Variants in E2F4 observed in about 807,000 individuals in gnomAD.
E2F4 encodes transcription factor E2F4.
In E2F4, 16 loss-of-function variants were observed where a neutral mutation model predicts 44.5. The observed-to-expected ratio is 0.36, with a 90% confidence interval of 0.24 to 0.55. The LOEUF is 0.55. Ranked by LOEUF, E2F4 falls within the 20% of genes least tolerant of loss-of-function variation. The pLI is 0.87. For missense variants in E2F4, 473 were observed against 522.1 expected (o/e 0.91, Z 0.92); for synonymous variants, 242 against 207.2 (o/e 1.17, Z -1.44).
Position 67,194,888 on chromosome 16 carries a change from C to T in E2F4, c.716C>T (p.Ala239Val). ...CCTGCCCTAGCCCAGTCCCAGGAAGCCTCACGTCCAAATAGTCCTCAGCTC... is the reference window on the plus strand; with the variant it reads ...CCTGCCCTAGCCCAGTCCCAGGAAGTCTCACGTCCAAATAGTCCTCAGCTC... Reference protein sequence around the residue: ...PKPALAQSQEASRPNSPQLTP... With the variant: ...PKPALAQSQEVSRPNSPQLTP... Residue 239 changes from alanine to valine, a missense_variant, in exon 6 of 10, where the codon GCC (alanine) becomes GTC (valine). Physicochemically the swap from Ala to Val is moderately conservative, Grantham distance 64 (BLOSUM62 0). This residue lies in a region of E2F4 where 314 missense variants were observed against 315.6 expected (regional missense o/e 0.99). Transcript: ENST00000379378. The T allele has an allele frequency of 6.2e-7, 1 of 1,614,200 alleles. No homozygotes were observed. The highest frequency in any genetic ancestry group is 8.5e-7 in the Non-Finnish European group (1 of 1,180,048).
Position 67,198,034 on chromosome 16 carries a change from C to G in E2F4, c.1153C>G (p.Pro385Ala). The G allele has an allele frequency of 1.9e-6, 3 of 1,614,126 alleles. No individual in the cohort carries two copies. Among genetic ancestry groups the G allele is most frequent in the Non-Finnish European group, 2.5e-6 (3 of 1,180,008 alleles). Residue 385 changes from proline (P) to alanine (A), a missense_variant, in exon 10 of 10, where the codon CCA becomes GCA. Pro to Ala is a conservative substitution (Grantham distance 27). Transcript: ENST00000379378. ...GTTTGCCCCTCTGCTTCGTCTTTCT[C>G]CACCCCCGGGAGACCACGATTATAT... is the stretch of plus-strand genomic sequence containing the variant. ...EVFAPLLRLS[P>A]PPGDHDYIYN... is the part of the protein sequence containing the mutation.
intron 7 of E2F4, among the ~76,000 whole-genome samples, chr16:67,196,337 C>G (rs2032969402): frequency 6.6e-6 from 1 of 152,188 alleles, no homozygotes; most frequent in Admixed American, 6.5e-5. Context: ...TCATTAGTCT[C>G]CTAGTCACCT....
chr16:67,197,301 CT>C (rs1481813101), intron 7 of E2F4, among the ~76,000 whole-genome samples: 13 of 152,172 alleles, frequency 8.5e-5, no homozygotes, highest in African/African-American at 2.7e-4. Context: ...GATGGGGTAC[CT>C]TCTGTCAGAC....
rs769502993 is a variant in E2F4, at chr16:67,195,834, C to T, written c.861C>T (p.Leu287=). 1.1e-5 allele frequency: 17 copies of T among 1,614,006 alleles called. No homozygotes were observed. In the East Asian group the frequency reaches 2.7e-4, roughly 25 times the overall value. ...DSKDSGELSS[L]PLGPTTLDTR... ...AGGACAGTGGTGAGCTCAGTTCACT[C>T]CCACTGGGCCCAACAACACTGGACA... The change falls in exon 7 of 10, where the codon CTC becomes CTT. Residue 287 remains leucine (L), a synonymous_variant. Coordinates refer to ENST00000379378, the MANE Select transcript of E2F4 (RefSeq NM_001950.4).
chr16:67,195,674 G>C, intron 6 of E2F4, 108 bp from the exon 7 acceptor site: 1 of 1,548,426 alleles, frequency 6.5e-7, no homozygotes, highest in Non-Finnish European at 8.7e-7. Flanking sequence ...ATTCTCCTTG[G>C]GTCTGGGAAC....
chr16:67,197,553 C>T, intron 7 of E2F4, 46 bp from the exon 8 acceptor site: 1 of 1,609,254 alleles, frequency 6.2e-7, no homozygotes, highest in Non-Finnish European at 8.5e-7. Context: ...TGTAGTGGGG[C>T]CAGGCTGGAC....
At chr16:67,194,266 G>A (rs2032932145) in intron 4 of E2F4, 132 bp from the exon 5 acceptor site, 3 of 919,724 alleles carry the variant, frequency 3.3e-6, no homozygotes, top group South Asian at 3.3e-5. Flanking sequence ...TGGCCACTAT[G>A]GGGGATGGGT....
chr16:67,192,559 T>C (rs927357190), intron 1 of E2F4, 197 bp downstream of exon 1: 1 of 1,004,284 alleles, frequency 1.0e-6, no homozygotes, highest in Non-Finnish European at 1.4e-6. Flanking sequence ...AGGCTCGGGC[T>C]GCAGGTGTTC....
chr16:67,194,036 C>T, intron 4 of E2F4: 1 of 270,076 alleles, frequency 3.7e-6, no homozygotes, highest in Non-Finnish European at 7.1e-6. Flanking sequence ...GGGTGTGAGC[C>T]ACTGTGCCCC....
rs3830472 is a variant in E2F4 at position 67,195,890 on chromosome 16, ACAGCAGCAGCAGCAGCAG to A, written c.941_958del (p.Ser314_Ser319del). 6,171 of 1,608,068 alleles carry A rather than the reference ACAGCAGCAGCAGCAGCAG, an allele frequency of 3.8e-3. 12 individuals carry two copies. Among genetic ancestry groups the A allele is most frequent in the Non-Finnish European group, 4.6e-3 (5,453 of 1,177,510 alleles). On this transcript the variant is annotated inframe_deletion, in exon 7 of 10. Coordinates refer to ENST00000379378, the MANE Select transcript of E2F4 (RefSeq NM_001950.4). ...CCACTGCAGTCTTCTGCCCTGCTGG[ACAGCAGCAGCAGCAGCAG>A]CAGCAGCAGCAGCAGCAGCAGCAAC...
chr16:67,192,764 G>T lies in E2F4; in HGVS notation c.139G>T (p.Ala47Ser). 7 of 1,609,878 alleles carry T rather than the reference G, an allele frequency of 4.3e-6. No individual in the cohort carries two copies. The highest frequency in any genetic ancestry group is 5.1e-6 in the Non-Finnish European group (6 of 1,177,834). ...KDGVLDLKLA[A>S]DTLAVRQKRR... ...CATTCTCCATTCTCTCTGCCAGGCAGCTGACACCCTAGCTGTACGCCAGAA... is the reference window on the plus strand; with the variant it reads ...CATTCTCCATTCTCTCTGCCAGGCATCTGACACCCTAGCTGTACGCCAGAA... The change falls in exon 2 of 10, where the codon GCT (alanine) becomes TCT (serine). Residue 47 changes from alanine to serine, a missense_variant. By Grantham distance (99) the Ala-to-Ser change is moderately conservative. Transcript: ENST00000379378.
rs566500354 is a variant in E2F4, at chr16:67,193,668, TGTC to T, written c.451+154_451+156del. 3.5e-3 allele frequency among the ~76,000 whole-genome samples: 532 copies of T among 152,284 alleles called. 1 individual carries two copies. Among genetic ancestry groups the T allele is most frequent in the Non-Finnish European group, 5.5e-3 (374 of 68,008 alleles). ...AGGCAGGGTAAGTCTTCTGTCTGAG[TGTC>T]ACTGGGACCCTGTGGAGGTCAGCTA... On this transcript the variant is annotated intron_variant, in intron 4 of 9. Transcript: ENST00000379378.
rs1477927092 is a variant in E2F4 at position 67,193,307 on chromosome 16, C to T, written c.407+137C>T. The T allele has an allele frequency of 3.4e-6, 5 of 1,488,478 alleles. No homozygotes were observed. The Admixed American group carries it at 8.7e-5, about 26-fold the overall frequency. The allele number at this position is 1,488,478 out of a possible 1,614,324, so 92.2% of individuals were successfully genotyped here. ...CAGCCTCAGGCTCCCTCCTCAGAGC[C>T]CCTCCCCTTCCACTCTTAGCCTGTG... On this transcript the variant is annotated intron_variant, in intron 3 of 9. Coordinates refer to ENST00000379378, the MANE Select transcript of E2F4 (RefSeq NM_001950.4).
intron 1 of E2F4, 71 bp downstream of exon 1, chr16:67,192,433 G>A (rs1463070639): frequency 7.2e-7 from 1 of 1,394,618 alleles, no homozygotes; most frequent in Non-Finnish European, 9.3e-7. Flanking sequence ...GGAACCCCGG[G>A]GGCGGCCCAG....
At position 67,198,492 on chromosome 16, in the gene E2F4, C is replaced by A. The variant is rs1384774496; in HGVS notation, c.*369C>A. ...CCTCAGTGTCTTGCTTCTGCCAGCT[C>A]CTTCCCCTAGGAGGGAAGGGTGGGG... On this transcript the variant is annotated 3_prime_UTR_variant, in exon 10 of 10. Transcript: ENST00000379378. 3.9e-6 allele frequency: 1 copy of A among 256,560 alleles called. No individual in the cohort carries two copies. The highest frequency in any genetic ancestry group is 2.2e-5 in the African/African-American group (1 of 45,072). The allele number at this position is 256,560 out of a possible 1,614,324, so 15.9% of individuals were successfully genotyped here. A position where few individuals can be genotyped will look rare whatever the true frequency, so the allele number is the denominator to read the frequency against.
Position 67,192,244 on chromosome 16 carries a change from C to G in E2F4, c.17C>G (p.Pro6Arg), listed in dbSNP as rs927251130. The G allele has an allele frequency of 3.1e-6, 4 of 1,274,362 alleles. No individual in the cohort carries two copies. The highest frequency in any genetic ancestry group is 4.0e-6 in the Non-Finnish European group (4 of 1,008,222). The allele number at this position is 1,274,362 out of a possible 1,614,324, so 78.9% of individuals were successfully genotyped here. A position where few individuals can be genotyped will look rare whatever the true frequency, so the allele number is the denominator to read the frequency against. ...GCGGGCGCGATGGCGGAGGCCGGGC[C>G]ACAGGCGCCGCCGCCCCCGGGCACT... MAEAG[P>R]QAPPPPGTPS... Residue 6 changes from proline to arginine, a missense_variant, in exon 1 of 10, where the codon CCA (proline) becomes CGA (arginine). By Grantham distance (103) the Pro-to-Arg change is moderately radical (BLOSUM62 -2). Around this residue, in one of 3 missense-constraint regions of E2F4, gnomAD observed 40 missense variants for 30.8 expected, o/e 1.30. Transcript: ENST00000379378.
At chr16:67,193,245 C>T (rs2032916812) in intron 3 of E2F4, 75 bp downstream of exon 3, 2 of 1,529,218 alleles carry the variant, frequency 1.3e-6, no homozygotes, top group Admixed American at 4.0e-5. Context: ...AGTCCTGTTC[C>T]TCTTGGGAGT....
chr16:67,193,614 G>A, intron 4 of E2F4, 99 bp downstream of exon 4: 3 of 1,331,900 alleles, frequency 2.3e-6, no homozygotes, highest in Non-Finnish European at 3.2e-6. Flanking sequence ...CTCTTAAGAG[G>A]GTTTCTGGGG....
At position 67,192,366 on chromosome 16, in the gene E2F4, C is replaced by T. The variant is rs1372509737; in HGVS notation, c.135+4C>T. The stretch of plus-strand genomic sequence containing the variant: ...CGGCGTGCTTGACCTCAAGCTGGTG[C>T]GGCCTGGGCTAAGGGGAGACAAGGG... On this transcript the variant is annotated splice_donor_region_variant and intron_variant, in intron 1 of 9. Transcript: ENST00000379378. The T allele has an allele frequency of 7.1e-7, 1 of 1,407,452 alleles. No individual in the cohort carries two copies. 87.2% of individuals were successfully genotyped at this position (1,407,452 alleles called of 1,614,324 possible). A position where few individuals can be genotyped will look rare whatever the true frequency, so the allele number is the denominator to read the frequency against.
Sources: allele counts gnomAD v4.1 joint callset (sites outside exome capture counted in the v4.1 genomes callset), GRCh38; gene constraint gnomAD v4.1.1; regional missense constraint gnomAD v4.1.1; transcripts MANE v1.5; gene names NCBI Gene and HGNC (gene_info 2026-07-23, HGNC 2026-07-21).